ANKS1B: variants seen among roughly 807,000 people sequenced by gnomAD.
ANKS1B encodes ankyrin repeat and sterile alpha motif domain containing 1B.
In ANKS1B, 36 loss-of-function variants were observed where a neutral mutation model predicts 148.3. The observed-to-expected ratio is 0.24, with a 90% CI of 0.19 to 0.32. ANKS1B has a LOEUF of 0.32. ANKS1B is among the 10% of genes least tolerant of loss of function. ANKS1B has a pLI of 1.00. For synonymous variants in ANKS1B, 542 were observed against 560.8 expected (o/e 0.97, Z 0.47); for missense variants, 1,157 against 1,542.6 (o/e 0.75, Z 4.19).
intron 9 of ANKS1B, among the ~76,000 whole-genome samples, chr12:99,533,883 G>T (rs1234124624): frequency 6.6e-6 from 1 of 151,712 alleles, no homozygotes; most frequent in African/African-American, 2.4e-5. Context: ...ACAAAAGAAT[G>T]GATAAATAAA....
intron 12 of ANKS1B, among the ~76,000 whole-genome samples, chr12:99,370,048 A>T (rs1004610738): frequency 6.6e-6 from 1 of 151,458 alleles, no homozygotes; most frequent in Admixed American, 6.6e-5. Context: ...ATAGAACATA[A>T]AGAAGACCCT....
intron 8 of ANKS1B, among the ~76,000 whole-genome samples, chr12:99,700,526 T>C (rs998716493): frequency 1.3e-5 from 2 of 152,192 alleles, no homozygotes; most frequent in Non-Finnish European, 2.9e-5. Flanking sequence ...TTTTTTTTCC[T>C]TCTTTACAAT....
At chr12:99,193,684 T>C (rs1199967818) in intron 14 of ANKS1B, among the ~76,000 whole-genome samples, 1 of 151,986 alleles carries the variant, frequency 6.6e-6, no homozygotes, top group African/African-American at 2.4e-5. Context: ...ACTCAATACA[T>C]GTTATATGAA....
intron 10 of ANKS1B, among the ~76,000 whole-genome samples, chr12:99,493,414 T>C (rs1421627490): frequency 6.6e-6 from 1 of 151,540 alleles, no homozygotes; most frequent in Non-Finnish European, 1.5e-5. Flanking sequence ...AACAGGACTT[T>C]AGGAAACTAT....
chr12:98,841,877 T>C (rs183294278), intron 17 of ANKS1B, among the ~76,000 whole-genome samples: 1 of 151,374 alleles, frequency 6.6e-6, no homozygotes, highest in Non-Finnish European at 1.5e-5. Context: ...GAGCTAGGAA[T>C]CACCCTAAAC....
chr12:98,750,067 C>T (rs1300929922), intron 26 of ANKS1B, among the ~76,000 whole-genome samples: 1 of 151,976 alleles, frequency 6.6e-6, no homozygotes, highest in African/African-American at 2.4e-5. Context: ...CCTGGACATG[C>T]TAAGTTTCAG....
intron 15 of ANKS1B, among the ~76,000 whole-genome samples, chr12:99,127,482 A>G (rs1017777728): frequency 6.6e-6 from 1 of 152,248 alleles, no homozygotes; most frequent in African/African-American, 2.4e-5. Context: ...TTTAGAATCA[A>G]AAAAGCAAAA....
chr12:99,736,503 C>G (rs111411615), intron 8 of ANKS1B, among the ~76,000 whole-genome samples: 93 of 151,598 alleles, frequency 6.1e-4, no homozygotes, highest in African/African-American at 2.2e-3. Flanking sequence ...TTTACAGTAG[C>G]TACAAACCAA....
At chr12:99,736,323 C>A (rs945595280) in intron 8 of ANKS1B, among the ~76,000 whole-genome samples, 17 of 151,254 alleles carry the variant, frequency 1.1e-4, no homozygotes, top group Non-Finnish European at 2.2e-4. Flanking sequence ...TCTTTGCAGA[C>A]AATTTGATCT....
At chr12:99,152,345 G>A (rs79397546) in intron 15 of ANKS1B, among the ~76,000 whole-genome samples, 9,970 of 151,858 alleles carry the variant, frequency 0.066, 899 homozygotes, top group African/African-American at 0.2. Flanking sequence ...TATTTGATTG[G>A]CCCATCTAAG....
At chr12:99,366,537 T>C (rs1040107095) in intron 12 of ANKS1B, among the ~76,000 whole-genome samples, 6 of 152,054 alleles carry the variant, frequency 3.9e-5, no homozygotes, top group African/African-American at 7.2e-5. Context: ...AGTCCAGAAA[T>C]AGACCCAGGT....
chr12:99,972,655 G>A (rs960013932), intron 1 of ANKS1B, among the ~76,000 whole-genome samples: 17 of 152,210 alleles, frequency 1.1e-4, no homozygotes, highest in African/African-American at 3.6e-4. Context: ...AGGTGAAGTA[G>A]TTAAATGCTG....
intron 12 of ANKS1B, among the ~76,000 whole-genome samples, chr12:99,353,372 A>G (rs74566962): frequency 0.026 from 3,949 of 152,136 alleles, 164 homozygotes; most frequent in African/African-American, 0.084. Flanking sequence ...AGCACATAAT[A>G]AATGGCACTG....
chr12:98,742,869 G>C (rs1277793389), downstream of ANKS1B, among the ~76,000 whole-genome samples: 1 of 152,208 alleles, frequency 6.6e-6, no homozygotes, highest in Non-Finnish European at 1.5e-5. Context: ...ATATGGGGTG[G>C]GCCAGTGGGC....
chr12:99,548,561 A>G (rs1374215174), intron 9 of ANKS1B, among the ~76,000 whole-genome samples: 1 of 152,226 alleles, frequency 6.6e-6, no homozygotes, highest in East Asian at 1.9e-4. Flanking sequence ...ATTATTTCAG[A>G]TATTAACTTC....
chr12:99,348,533 A>C (rs1439192325), intron 12 of ANKS1B, among the ~76,000 whole-genome samples: 5 of 151,936 alleles, frequency 3.3e-5, no homozygotes, highest in Non-Finnish European at 7.4e-5. Context: ...AAACCAAAGC[A>C]AGAATCTTGA....
At chr12:99,186,177 A>G (rs989513095) in intron 14 of ANKS1B, among the ~76,000 whole-genome samples, 1 of 152,172 alleles carries the variant, frequency 6.6e-6, no homozygotes, top group African/African-American at 2.4e-5. Flanking sequence ...CTGTAGCCAC[A>G]CTGTCTCTCT....
intron 9 of ANKS1B, among the ~76,000 whole-genome samples, chr12:99,630,315 A>G (rs1216782579): frequency 6.6e-6 from 1 of 152,218 alleles, no homozygotes; most frequent in Non-Finnish European, 1.5e-5. Flanking sequence ...CACTTAGCAG[A>G]TATCTCTGTT....
intron 17 of ANKS1B, among the ~76,000 whole-genome samples, chr12:98,849,730 A>C (rs1216090586): frequency 6.6e-6 from 1 of 152,246 alleles, no homozygotes; most frequent in Non-Finnish European, 1.5e-5. Context: ...GTCAAGTAGA[A>C]GCAGAAAAAG....
Sources: gnomAD v4.1 joint callset for allele counts (sites outside exome capture counted in the v4.1 genomes callset) on GRCh38, gnomAD v4.1.1 for gene constraint, MANE v1.5 for transcripts, NCBI Gene and HGNC (gene_info 2026-07-23, HGNC 2026-07-21) for gene names.